ASTN2: variants seen among roughly 807,000 people sequenced by gnomAD.
The protein encoded by ASTN2 is astrotactin 2, also known as astrotactin-2.
In ASTN2, 54 loss-of-function variants were observed where a neutral mutation model predicts 139.8. The observed-to-expected ratio is 0.39, with a 90% CI of 0.31 to 0.48. ASTN2 has a LOEUF of 0.48. ASTN2 is among the 20% of genes least tolerant of loss of function. The pLI, the probability that ASTN2 is intolerant of heterozygous loss-of-function variation, is 0.95. For missense variants in ASTN2, 1,565 were observed against 1,725.1 expected (o/e 0.91, Z 1.64); for synonymous variants, 756 against 719.5 (o/e 1.05, Z -0.81).
chr9:116,782,491 A>T (rs569943335), intron 13 of ASTN2, among the ~76,000 whole-genome samples: 2 of 152,204 alleles, frequency 1.3e-5, no homozygotes, highest in Non-Finnish European at 2.9e-5. Flanking sequence ...CTAAGAGTGC[A>T]TGTTTTATAA....
rs569816594 is a variant in ASTN2 at position 117,039,716 on chromosome 9, T to A, written c.1423+103A>T. On this transcript the variant is annotated intron_variant, in intron 6 of 22. Transcript: ENST00000313400. ...CTCCTTTTTTTCCTCCTGTAATATA[T>A]GTAATAGTAATTCTAAGGTTTGGCC... The A allele has an allele frequency of 3.8e-5, 49 of 1,285,860 alleles. No individual in the cohort carries two copies. The African/African-American group carries it at 6.4e-4, about 17-fold the overall frequency. The allele number at this position is 1,285,860 out of a possible 1,614,324, so 79.7% of individuals were successfully genotyped here.
chr9:116,760,341 T>G (rs1014286822), intron 13 of ASTN2, among the ~76,000 whole-genome samples: 7 of 152,208 alleles, frequency 4.6e-5, no homozygotes, highest in Admixed American at 1.3e-4. Context: ...CAACACTTGG[T>G]GGCCACATAA....
At chr9:117,251,970 C>A (rs536778957) in intron 2 of ASTN2, among the ~76,000 whole-genome samples, 1 of 152,312 alleles carries the variant, frequency 6.6e-6, no homozygotes, top group South Asian at 2.1e-4. Context: ...AAACTGTTCT[C>A]ATTTCTAAAT....
In ASTN2 at chr9:117,147,301, T is replaced by C. The variant is rs187082713; in HGVS notation, c.1016-5823A>G. ...TTTAAAATGCAAAAATTAGCTGGGT[T>C]TGATGCAGGCCTGTAATCCCAGATA... On this transcript the variant is annotated intron_variant, in intron 3 of 22. Transcript: ENST00000313400. 3.3e-5 allele frequency among the ~76,000 whole-genome samples: 5 copies of C among 152,194 alleles called. No individual in the cohort carries two copies. The East Asian group carries it at 9.7e-4, about 30-fold the overall frequency.
intron 19 of ASTN2, among the ~76,000 whole-genome samples, chr9:116,558,987 C>A (rs1485262275): frequency 6.6e-6 from 1 of 152,164 alleles, no homozygotes; most frequent in Non-Finnish European, 1.5e-5. Flanking sequence ...TTAGAACATA[C>A]CAGTCAGCAA....
chr9:116,637,589 T>G (rs1857134713), intron 17 of ASTN2, among the ~76,000 whole-genome samples: 1 of 152,150 alleles, frequency 6.6e-6, no homozygotes. Flanking sequence ...ACAGTGTTGA[T>G]AAACAGAATT....
intron 2 of ASTN2, among the ~76,000 whole-genome samples, chr9:117,219,512 C>T (rs1164085428): frequency 2.6e-5 from 4 of 152,280 alleles, no homozygotes; most frequent in African/African-American, 7.2e-5. Context: ...GCCTCAGGGA[C>T]GATCTGATGC....
intron 19 of ASTN2, among the ~76,000 whole-genome samples, chr9:116,534,292 T>C (rs1171220312): frequency 2.0e-5 from 3 of 152,216 alleles, no homozygotes; most frequent in Admixed American, 2.0e-4. Context: ...ATCAATTTTG[T>C]TGATCTTTTC....
At chr9:117,110,207 G>A (rs1829215853) in intron 4 of ASTN2, among the ~76,000 whole-genome samples, 1 of 152,082 alleles carries the variant, frequency 6.6e-6, no homozygotes, top group Non-Finnish European at 1.5e-5. Context: ...ATTGCTGCAA[G>A]CAGTGCAAAT....
At chr9:117,297,765 T>C (rs1196974516) in intron 1 of ASTN2, among the ~76,000 whole-genome samples, 1 of 152,190 alleles carries the variant, frequency 6.6e-6, no homozygotes, top group Non-Finnish European at 1.5e-5. Context: ...ATAAGAACTA[T>C]AGCTTTTTCT....
chr9:116,471,959 C>T (rs376764341), intron 20 of ASTN2, among the ~76,000 whole-genome samples: 14 of 152,222 alleles, frequency 9.2e-5, no homozygotes, highest in South Asian at 6.2e-4. Context: ...ACAAAACCCG[C>T]GAGTGCAACA....
intron 19 of ASTN2, among the ~76,000 whole-genome samples, chr9:116,543,127 T>C (rs1851945092): frequency 6.6e-6 from 1 of 151,812 alleles, no homozygotes; most frequent in Admixed American, 6.6e-5. Context: ...TGTTTTTGCA[T>C]GCATAGAAAA....
intron 2 of ASTN2, among the ~76,000 whole-genome samples, chr9:117,260,980 T>C (rs1470703443): frequency 6.6e-6 from 1 of 152,220 alleles, no homozygotes; most frequent in Non-Finnish European, 1.5e-5. Flanking sequence ...TGTATCTGTT[T>C]ATGTAAACAT....
intron 10 of ASTN2, among the ~76,000 whole-genome samples, chr9:116,906,040 C>G (rs947097696): frequency 2.6e-5 from 4 of 152,092 alleles, no homozygotes; most frequent in African/African-American, 9.7e-5. Context: ...TCCACTGACC[C>G]TCCAGACCTT....
At position 117,219,693 on chromosome 9, in the gene ASTN2, G is replaced by C. The variant is rs998911765; in HGVS notation, c.631-4951C>G. Among the ~76,000 whole-genome samples the C allele has an allele frequency of 3.3e-5, 5 of 152,200 alleles. No individual in the cohort carries two copies. In the South Asian group the frequency reaches 1.0e-3, roughly 31 times the overall value. On this transcript the variant is annotated intron_variant, in intron 2 of 22. Coordinates refer to ENST00000313400, the MANE Select transcript of ASTN2 (RefSeq NM_001365068.1). Reference sequence around the variant, plus strand: ...TGATTTGTTTTTACCATCACCTTATGAGAATTTCAAGAAGCTTTCAGGGAG... The same window carrying C: ...TGATTTGTTTTTACCATCACCTTATCAGAATTTCAAGAAGCTTTCAGGGAG...
chr9:116,896,972 TC>T (rs1833895161), intron 10 of ASTN2, among the ~76,000 whole-genome samples: 1 of 152,136 alleles, frequency 6.6e-6, no homozygotes, highest in African/African-American at 2.4e-5. Context: ...AAGAACTCGA[TC>T]TCGTTATGGT....
intron 19 of ASTN2, among the ~76,000 whole-genome samples, chr9:116,518,326 A>G (rs1850733239): frequency 6.6e-6 from 1 of 152,218 alleles, no homozygotes; most frequent in African/African-American, 2.4e-5. Flanking sequence ...GAAATCCTAC[A>G]AGCTAGAAGG....
At chr9:116,448,968 T>C (rs930206073) in intron 20 of ASTN2, among the ~76,000 whole-genome samples, 5 of 152,212 alleles carry the variant, frequency 3.3e-5, no homozygotes, top group Admixed American at 6.5e-5. Context: ...TCTGCTTTTA[T>C]GATCACAATG....
intron 3 of ASTN2, among the ~76,000 whole-genome samples, chr9:117,199,775 T>C (rs896305043): frequency 1.3e-5 from 2 of 152,200 alleles, no homozygotes; most frequent in African/African-American, 4.8e-5. Flanking sequence ...GAAATGTTTT[T>C]CCATTTGTTT....
Sources: gnomAD v4.1 joint callset for allele counts (sites outside exome capture counted in the v4.1 genomes callset) on GRCh38, gnomAD v4.1.1 for gene constraint, MANE v1.5 for transcripts, NCBI Gene and HGNC (gene_info 2026-07-23, HGNC 2026-07-21) for gene names.